Variants in NUS1 observed in about 807,000 individuals in gnomAD.
The protein encoded by NUS1 is NUS1 dehydrodolichyl diphosphate synthase subunit.
For synonymous variants in NUS1, 135 were observed against 155.2 expected (o/e 0.87, Z 0.97); for missense variants, 292 against 382.9 (o/e 0.76, Z 1.98).
chr6:117,694,164 G>A lies in NUS1; in HGVS notation c.675G>A (p.Thr225=), dbSNP rs763523987. Residue 225 remains threonine (T), a synonymous_variant, in exon 3 of 5, where the codon ACG becomes ACA. Transcript: ENST00000368494. ...QKRPTDLDVD[T]LASLLSSNGC... ...GACCCACAGATTTGGATGTAGATAC[G>A]TTAGCCAGTTTACTTAGTAAGTTTT... 2.9e-5 allele frequency: 47 copies of A among 1,598,118 alleles called. No individual in the cohort carries two copies. Among genetic ancestry groups the A allele is most frequent in the Middle Eastern group, 1.7e-4 (1 of 5,868 alleles).
intron 3 of NUS1, among the ~76,000 whole-genome samples, chr6:117,695,149 G>T (rs144423069): frequency 2.2e-3 from 270 of 123,020 alleles, no homozygotes; most frequent in African/African-American, 7.0e-3. Flanking sequence ...AGCCAAGATC[G>T]CATCAGTACA....
chr6:117,676,264 C>A (rs1407569822), intron 1 of NUS1, among the ~76,000 whole-genome samples, 179 bp downstream of exon 1: 2 of 152,224 alleles, frequency 1.3e-5, no homozygotes, highest in African/African-American at 4.8e-5. Context: ...GGATTTGACT[C>A]AGTAGCTTTT....
At chr6:117,701,996 A>G (rs1040090423) in intron 3 of NUS1, among the ~76,000 whole-genome samples, 1 of 152,198 alleles carries the variant, frequency 6.6e-6, no homozygotes, top group Non-Finnish European at 1.5e-5. Flanking sequence ...AGTTGCCACC[A>G]GTTCTCAAGT....
At chr6:117,691,932 A>T (rs1287638712) in intron 1 of NUS1, among the ~76,000 whole-genome samples, 1 of 151,844 alleles carries the variant, frequency 6.6e-6, no homozygotes, top group East Asian at 1.9e-4. Context: ...TTCCCATCTT[A>T]ATCTTGGTAA....
chr6:117,701,540 G>A (rs149188191), intron 3 of NUS1, among the ~76,000 whole-genome samples: 4 of 152,134 alleles, frequency 2.6e-5, no homozygotes, highest in African/African-American at 4.8e-5. Context: ...CACCACGCCC[G>A]GCCGGGTTCT....
intron 1 of NUS1, among the ~76,000 whole-genome samples, chr6:117,688,531 A>T (rs548152499): frequency 3.9e-5 from 6 of 152,062 alleles, no homozygotes; most frequent in South Asian, 2.1e-4. Flanking sequence ...CTATACATTT[A>T]CTGTTCTCAT....
intron 4 of NUS1, among the ~76,000 whole-genome samples, chr6:117,704,003 T>G (rs2114694156): frequency 1.3e-5 from 2 of 152,176 alleles, no homozygotes; most frequent in South Asian, 4.1e-4. Flanking sequence ...TTTTCTTATT[T>G]AGAGAAAAGG....
intron 3 of NUS1, among the ~76,000 whole-genome samples, chr6:117,703,084 C>G (rs529899064): frequency 6.6e-6 from 1 of 152,228 alleles, no homozygotes; most frequent in South Asian, 2.1e-4. Context: ...CCAAGGAAGA[C>G]ATTTGTGATG....
Position 117,675,537 on chromosome 6 carries a change from G to A in NUS1, c.-134G>A. On this transcript the variant is annotated 5_prime_UTR_variant, in exon 1 of 5. It adds an upstream start codon to the 5' untranslated region. Transcript: ENST00000368494. ...GCGGGGGCGAGGTGAGGTGTTGGCA[G>A]TGGAAAGGGGTTCGGGCTCGGGGGG... The A allele has an allele frequency of 1.1e-6, 1 of 883,642 alleles. No individual in the cohort carries two copies. Among genetic ancestry groups the A allele is most frequent in the Non-Finnish European group, 1.7e-6 (1 of 582,044 alleles). 54.7% of individuals were successfully genotyped at this position (883,642 alleles called of 1,614,324 possible).
At chr6:117,690,710 G>A (rs1044811705) in intron 1 of NUS1, among the ~76,000 whole-genome samples, 10 of 151,894 alleles carry the variant, frequency 6.6e-5, no homozygotes, top group African/African-American at 2.4e-4. Context: ...AAATGTTATC[G>A]GCTGGGTGTG....
intron 1 of NUS1, among the ~76,000 whole-genome samples, chr6:117,688,182 C>T (rs567212898): frequency 1.1e-3 from 170 of 152,336 alleles, no homozygotes; most frequent in Non-Finnish European, 1.9e-3. Context: ...GATAGCCCCA[C>T]TGCACTCAGC....
At chr6:117,702,965 A>G (rs1056074179) in intron 3 of NUS1, among the ~76,000 whole-genome samples, 4 of 152,068 alleles carry the variant, frequency 2.6e-5, no homozygotes, top group African/African-American at 9.7e-5. Flanking sequence ...TCCCCAAGTC[A>G]GGTCTCATAT....
intron 1 of NUS1, among the ~76,000 whole-genome samples, chr6:117,678,024 C>CTATA (rs1317422665): frequency 2.0e-5 from 3 of 152,170 alleles, no homozygotes; most frequent in Non-Finnish European, 4.4e-5. Flanking sequence ...CTAGTACAGA[C>CTATA]TATAATGTTG....
intron 1 of NUS1, among the ~76,000 whole-genome samples, chr6:117,687,031 T>C (rs1773151644): frequency 6.6e-6 from 1 of 152,200 alleles, no homozygotes; most frequent in Admixed American, 6.5e-5. Flanking sequence ...TCTACACTCT[T>C]AGCAATTCTC....
At chr6:117,703,999 T>C (rs528182898) in intron 4 of NUS1, among the ~76,000 whole-genome samples, 1 of 152,276 alleles carries the variant, frequency 6.6e-6, no homozygotes. Context: ...GTAGTTTTCT[T>C]ATTTAGAGAA....
chr6:117,691,558 G>GATAGATATAT (rs1450180747), intron 1 of NUS1, among the ~76,000 whole-genome samples: 3 of 136,964 alleles, frequency 2.2e-5, no homozygotes, highest in African/African-American at 8.1e-5. Context: ...CATAGATATA[G>GATAGATATAT]ATATATATAT....
chr6:117,691,558 G>GATATATATATATATATATATATAT (rs60775803), intron 1 of NUS1, among the ~76,000 whole-genome samples: 5 of 136,976 alleles, frequency 3.7e-5, no homozygotes, highest in Non-Finnish European at 6.2e-5. Context: ...CATAGATATA[G>GATATATATATATATATATATATAT]ATATATATAT....
chr6:117,708,392 A>G lies in NUS1; in HGVS notation c.*1377A>G, dbSNP rs1208076499. ...AAGTGTACAATACTTATCTAAAACT[A>G]TACATTTAGAATGGAGCAGTTTAAT... On this transcript the variant is annotated 3_prime_UTR_variant, in exon 5 of 5. Coordinates refer to ENST00000368494, the MANE Select transcript of NUS1 (RefSeq NM_138459.5). The G allele has an allele frequency of 6.6e-6, 1 of 152,456 alleles. No homozygotes were observed. Among genetic ancestry groups the G allele is most frequent in the Non-Finnish European group, 1.5e-5 (1 of 67,962 alleles). The allele number at this position is 152,456 out of a possible 1,614,324, so 9.4% of individuals were successfully genotyped here. A position where few individuals can be genotyped will look rare whatever the true frequency, so the allele number is the denominator to read the frequency against.
At chr6:117,699,313 A>G (rs1397410644) in intron 3 of NUS1, among the ~76,000 whole-genome samples, 1 of 152,200 alleles carries the variant, frequency 6.6e-6, no homozygotes, top group Non-Finnish European at 1.5e-5. Flanking sequence ...TACAAAACCA[A>G]TGTACAAAAA....
Sources: allele counts gnomAD v4.1 joint callset (sites outside exome capture counted in the v4.1 genomes callset), GRCh38; gene constraint gnomAD v4.1.1; transcripts MANE v1.5; gene names NCBI Gene and HGNC (gene_info 2026-07-23, HGNC 2026-07-21).